Variants in MCPH1 observed in about 807,000 individuals in gnomAD.
The protein encoded by MCPH1 is microcephalin 1.
In MCPH1, 104 loss-of-function variants were observed where a neutral mutation model predicts 84.5. The observed-to-expected ratio is 1.23, with a 90% CI of 1.05 to 1.45. The LOEUF (loss-of-function observed/expected upper bound fraction) is 1.45. MCPH1 is among the 40% of genes most tolerant of loss of function. MCPH1 has a pLI of 0.00. For synonymous variants in MCPH1, 514 were observed against 366.8 expected (o/e 1.40, Z -4.58); for missense variants, 1,498 against 1,005.7 (o/e 1.49, Z -6.62).
At chr8:6,447,521 C>G in intron 8 of MCPH1, 1 of 676,892 alleles carries the variant, frequency 1.5e-6, no homozygotes, top group Non-Finnish European at 1.8e-6. Context: ...GGGAACTGAG[C>G]GAGAAACAAT....
chr8:6,510,348 A>G (rs773830273), intron 12 of MCPH1, among the ~76,000 whole-genome samples: 1 of 152,144 alleles, frequency 6.6e-6, no homozygotes. Flanking sequence ...TACAAAGCAA[A>G]TCCTGCAATG....
At chr8:6,506,203 C>T (rs1586198483) in intron 12 of MCPH1, among the ~76,000 whole-genome samples, 1 of 151,858 alleles carries the variant, frequency 6.6e-6, no homozygotes, top group African/African-American at 2.4e-5. Flanking sequence ...ATATTCAGGA[C>T]TTTGACAGAT....
chr8:6,474,039 T>C, intron 9 of MCPH1: 2 of 823,098 alleles, frequency 2.4e-6, no homozygotes, highest in Non-Finnish European at 4.2e-6. Flanking sequence ...TAACCCCTCA[T>C]TTGAAGTATT....
At chr8:6,460,322 A>G (rs574326003) in intron 9 of MCPH1, among the ~76,000 whole-genome samples, 107 of 151,812 alleles carry the variant, frequency 7.0e-4, no homozygotes, top group African/African-American at 2.5e-3. Flanking sequence ...CTGATGCTAA[A>G]TCCATATACT....
At chr8:6,627,293 G>C in intron 13 of MCPH1, 1 of 985,348 alleles carries the variant, frequency 1.0e-6, no homozygotes. Context: ...CGCAGAGAGG[G>C]GAGGCCATCT....
At chr8:6,474,092 T>A in intron 9 of MCPH1, 1 of 775,148 alleles carries the variant, frequency 1.3e-6, no homozygotes, top group Non-Finnish European at 2.4e-6. Context: ...AAAAACTATG[T>A]GAAACCAGCG....
chr8:6,508,519 A>T (rs957806952), intron 12 of MCPH1: 1 of 241,188 alleles, frequency 4.1e-6, no homozygotes, highest in African/African-American at 2.2e-5. Context: ...CCTTCTTTGA[A>T]CATTAAATTA....
chr8:6,571,461 A>G (rs1826655797), intron 12 of MCPH1, among the ~76,000 whole-genome samples: 1 of 152,220 alleles, frequency 6.6e-6, no homozygotes, highest in Non-Finnish European at 1.5e-5. Flanking sequence ...TTCTAAAAAA[A>G]TATGTCCAGT....
intron 11 of MCPH1, among the ~76,000 whole-genome samples, chr8:6,482,850 T>C (rs1309933033): frequency 6.6e-6 from 1 of 152,192 alleles, no homozygotes; most frequent in East Asian, 1.9e-4. Flanking sequence ...TTCTCACCTT[T>C]AGTCTAGACT....
intron 12 of MCPH1, among the ~76,000 whole-genome samples, chr8:6,554,751 C>A (rs941141160): frequency 6.6e-6 from 1 of 152,032 alleles, no homozygotes; most frequent in Non-Finnish European, 1.5e-5. Flanking sequence ...GAGGAGCCCT[C>A]GGAGGGAGCG....
intron 12 of MCPH1, chr8:6,503,032 G>T: frequency 6.3e-7 from 1 of 1,580,778 alleles, no homozygotes; most frequent in South Asian, 1.2e-5. Context: ...GCGCAGCCGT[G>T]ACTTTCAGTG....
chr8:6,541,667 C>T (rs962155653), intron 12 of MCPH1, among the ~76,000 whole-genome samples: 3 of 152,132 alleles, frequency 2.0e-5, no homozygotes, highest in Non-Finnish European at 4.4e-5. Flanking sequence ...GTTTTCCCTA[C>T]AGAGATAGAA....
chr8:6,464,149 G>A (rs1005982019), intron 9 of MCPH1, among the ~76,000 whole-genome samples: 2 of 152,150 alleles, frequency 1.3e-5, no homozygotes, highest in Non-Finnish European at 2.9e-5. Flanking sequence ...CCGACCAGCC[G>A]GCCAGTGAGC....
intron 12 of MCPH1, among the ~76,000 whole-genome samples, chr8:6,532,707 C>T (rs543490191): frequency 2.0e-5 from 3 of 152,004 alleles, no homozygotes; most frequent in Admixed American, 2.0e-4. Flanking sequence ...TTAGTCACAT[C>T]ATGTAAAGGA....
chr8:6,431,720 T>G, intron 4 of MCPH1, 134 bp downstream of exon 4: 1 of 626,820 alleles, frequency 1.6e-6, no homozygotes, highest in Non-Finnish European at 2.8e-6. Context: ...TATTGTTCTT[T>G]TCACATAGCA....
chr8:6,503,462 CA>C (rs1276032355), intron 12 of MCPH1, among the ~76,000 whole-genome samples: 2 of 152,196 alleles, frequency 1.3e-5, no homozygotes, highest in African/African-American at 2.4e-5. Flanking sequence ...TCCATTACGG[CA>C]AATGCTTTTA....
chr8:6,550,726 A>G (rs1823496025), intron 12 of MCPH1, among the ~76,000 whole-genome samples: 4 of 152,232 alleles, frequency 2.6e-5, no homozygotes, highest in Admixed American at 2.0e-4. Context: ...AAGAAATTTT[A>G]TCAGAGTTTT....
At chr8:6,437,450 C>G (rs1333282397) in intron 5 of MCPH1, among the ~76,000 whole-genome samples, 1 of 152,110 alleles carries the variant, frequency 6.6e-6, no homozygotes, top group Non-Finnish European at 1.5e-5. Context: ...AGGATGATCT[C>G]AAACTCTTGA....
intron 12 of MCPH1, among the ~76,000 whole-genome samples, chr8:6,555,906 A>C (rs181579306): frequency 6.6e-6 from 1 of 152,150 alleles, no homozygotes; most frequent in Admixed American, 6.5e-5. Flanking sequence ...TTGTTTTCCT[A>C]GCAGCTTCAG....
Sources: gnomAD v4.1 joint callset for allele counts (sites outside exome capture counted in the v4.1 genomes callset) on GRCh38, gnomAD v4.1.1 for gene constraint, MANE v1.5 for transcripts, NCBI Gene and HGNC (gene_info 2026-07-23, HGNC 2026-07-21) for gene names.